CNIH3: variants seen among roughly 807,000 people sequenced by gnomAD.
The protein encoded by CNIH3 is cornichon family AMPA receptor auxiliary protein 3.
Under a neutral mutation model 24.1 loss-of-function variants are expected in CNIH3, and 14 were observed. The ratio of observed to expected loss-of-function variants is 0.58; its 90% CI spans 0.38 to 0.91. CNIH3 has a LOEUF of 0.91. Ranked by LOEUF, CNIH3 falls within the 40% of genes least tolerant of loss-of-function variation. The pLI, the probability that CNIH3 is intolerant of heterozygous loss-of-function variation, is 0.00. For missense variants in CNIH3, 178 were observed against 196.8 expected (o/e 0.90, Z 0.57); for synonymous variants, 68 against 73.8 (o/e 0.92, Z 0.40).
chr1:224,686,332 G>T (rs1428126363), intron 3 of CNIH3, among the ~76,000 whole-genome samples: 1 of 152,074 alleles, frequency 6.6e-6, no homozygotes, highest in East Asian at 1.9e-4. Flanking sequence ...CAAAGGACAT[G>T]AATTCATCCT....
At chr1:224,720,763 A>G (rs947372208) in intron 3 of CNIH3, among the ~76,000 whole-genome samples, 4 of 152,142 alleles carry the variant, frequency 2.6e-5, no homozygotes, top group African/African-American at 7.2e-5. Context: ...GAAGTCTCCC[A>G]GGTTTAAAAA....
At chr1:224,609,730 A>G (rs1300229693) in intron 3 of CNIH3, among the ~76,000 whole-genome samples, 3 of 152,234 alleles carry the variant, frequency 2.0e-5, no homozygotes. Flanking sequence ...ATGGGGCAAG[A>G]GGAGGCTCAC....
intron 1 of CNIH3, among the ~76,000 whole-genome samples, chr1:224,437,893 A>G (rs1487291388): frequency 2.0e-5 from 3 of 149,348 alleles, no homozygotes; most frequent in South Asian, 4.2e-4. Flanking sequence ...TTAACAAATC[A>G]CTAGTACTGC....
chr1:224,685,008 A>G (rs537365193), intron 3 of CNIH3, among the ~76,000 whole-genome samples, 165 bp downstream of exon 3: 1 of 152,216 alleles, frequency 6.6e-6, no homozygotes, highest in South Asian at 2.1e-4. Flanking sequence ...TTCTTTGGAA[A>G]CCTCCAGAGA....
intron 3 of CNIH3, among the ~76,000 whole-genome samples, chr1:224,553,364 C>T (rs1452299809): frequency 1.3e-5 from 2 of 151,930 alleles, no homozygotes; most frequent in Middle Eastern, 3.2e-3. Context: ...TGTTTTCTGC[C>T]GTCCTTGCCT....
intron 3 of CNIH3, among the ~76,000 whole-genome samples, chr1:224,595,338 G>A (rs906055118): frequency 6.6e-6 from 1 of 152,156 alleles, no homozygotes. Context: ...GAGCCACCAT[G>A]CCCAGTCTGT....
At chr1:224,503,368 T>C (rs1360754277) in intron 1 of CNIH3, among the ~76,000 whole-genome samples, 2 of 152,136 alleles carry the variant, frequency 1.3e-5, no homozygotes, top group Non-Finnish European at 2.9e-5. Flanking sequence ...TGCTTCTGTC[T>C]TTGTTCCTCT....
chr1:224,575,120 C>T, intron 4 of CNIH3: 1 of 912,780 alleles, frequency 1.1e-6, no homozygotes, highest in Non-Finnish European at 1.8e-6. Flanking sequence ...AGGACCCTTC[C>T]CTCCTGGAAG....
intron 1 of CNIH3, among the ~76,000 whole-genome samples, chr1:224,650,864 C>T (rs1329033143): frequency 6.6e-6 from 1 of 152,120 alleles, no homozygotes; most frequent in Non-Finnish European, 1.5e-5. Flanking sequence ...GGCAAAGCTC[C>T]TCACAAGGTA....
At chr1:224,696,945 A>G (rs1687207774) in intron 3 of CNIH3, among the ~76,000 whole-genome samples, 1 of 152,308 alleles carries the variant, frequency 6.6e-6, no homozygotes, top group Middle Eastern at 3.4e-3. Context: ...ACACAGTTGT[A>G]TTCTTGAAGA....
intron 1 of CNIH3, among the ~76,000 whole-genome samples, chr1:224,439,283 C>T (rs1020316550): frequency 5.9e-5 from 9 of 152,180 alleles, no homozygotes; most frequent in African/African-American, 1.2e-4. Context: ...AAAGACAGGA[C>T]GACTGCTTTG....
At chr1:224,483,390 A>ATTTTTT (rs34771495) in intron 1 of CNIH3, among the ~76,000 whole-genome samples, 1 of 139,104 alleles carries the variant, frequency 7.2e-6, no homozygotes. Context: ...TGCTCACCTG[A>ATTTTTT]TTTTTTTTTT....
At position 224,616,425 on chromosome 1, in the gene CNIH3, C is replaced by T; in HGVS notation, c.-750C>T. ...CTGCAGCCACCCGGGCTGGAGTTGG[C>T]CCGTTGGGTGGAGCCAGTGCTCGCC... On this transcript the variant is annotated 5_prime_UTR_variant, in exon 1 of 6. Coordinates refer to ENST00000272133, the MANE Select transcript of CNIH3 (RefSeq NM_152495.2). The T allele has an allele frequency of 1.0e-6, 1 of 985,128 alleles. No individual in the cohort carries two copies. The highest frequency in any genetic ancestry group is 1.7e-5 in the African/African-American group (1 of 57,178). The allele number at this position is 985,128 out of a possible 1,614,324, so 61.0% of individuals were successfully genotyped here. A position where few individuals can be genotyped will look rare whatever the true frequency, so the allele number is the denominator to read the frequency against.
At position 224,740,065 on chromosome 1, in the gene CNIH3, C is replaced by T. The variant is rs576870345; in HGVS notation, c.*709C>T. 10 of 152,352 alleles carry T rather than the reference C, an allele frequency of 6.6e-5. No homozygotes were observed. The highest frequency in any genetic ancestry group is 2.4e-4 in the African/African-American group (10 of 41,554). 9.4% of individuals were successfully genotyped at this position (152,352 alleles called of 1,614,324 possible). A position where few individuals can be genotyped will look rare whatever the true frequency, so the allele number is the denominator to read the frequency against. ...GTATTCTTCTTTTGCCACCTCAAAC[C>T]ATCACAGAGTCTTTAAATGCAAATC... On this transcript the variant is annotated 3_prime_UTR_variant, in exon 6 of 6. Transcript: ENST00000272133.
At chr1:224,635,477 A>G (rs1309004264) in intron 1 of CNIH3, among the ~76,000 whole-genome samples, 1 of 152,228 alleles carries the variant, frequency 6.6e-6, no homozygotes, top group East Asian at 1.9e-4. Context: ...CAACAGAGAA[A>G]TGACTGTAGG....
At chr1:224,607,031 A>G (rs975248247) in intron 3 of CNIH3, among the ~76,000 whole-genome samples, 1 of 152,264 alleles carries the variant, frequency 6.6e-6, no homozygotes, top group African/African-American at 2.4e-5. Flanking sequence ...TCTGCAATTC[A>G]TAGCTTCCCA....
chr1:224,505,001 C>A (rs1572376769), intron 1 of CNIH3, among the ~76,000 whole-genome samples: 1 of 58,686 alleles, frequency 1.7e-5, no homozygotes, highest in Non-Finnish European at 3.6e-5. Context: ...CCTTTCCCTC[C>A]CTCCCTCCCT....
chr1:224,494,874 G>A (rs1343434420), intron 1 of CNIH3, among the ~76,000 whole-genome samples: 1 of 152,150 alleles, frequency 6.6e-6, no homozygotes, highest in African/African-American at 2.4e-5. Context: ...AAGTCTCTCA[G>A]ATGTTTTTGG....
chr1:224,655,321 A>G (rs904060013), intron 1 of CNIH3, among the ~76,000 whole-genome samples: 1 of 152,044 alleles, frequency 6.6e-6, no homozygotes, highest in Admixed American at 6.5e-5. Flanking sequence ...GCCTAATATA[A>G]TGGGAAGCAA....
Sources: gnomAD v4.1 joint callset for allele counts (sites outside exome capture counted in the v4.1 genomes callset) on GRCh38, gnomAD v4.1.1 for gene constraint, MANE v1.5 for transcripts, NCBI Gene and HGNC (gene_info 2026-07-23, HGNC 2026-07-21) for gene names.